CELSR1: variants seen among roughly 807,000 people sequenced by gnomAD.
CELSR1 encodes adhesion G protein-coupled receptor C1.
A neutral mutation model predicts 249.1 loss-of-function variants in CELSR1; 110 were observed. The observed-to-expected ratio is 0.44, with a 90% CI of 0.38 to 0.52. The LOEUF (loss-of-function observed/expected upper bound fraction) is 0.52. Among genes scored for constraint, CELSR1 ranks in the 20% least tolerant of loss-of-function variants. The pLI is 0.00. For synonymous variants in CELSR1, 2,113 were observed against 1,900.0 expected (o/e 1.11, Z -2.92); for missense variants, 4,109 against 4,296.4 (o/e 0.96, Z 1.22).
Position 46,386,578 on chromosome 22 carries a change from A to G in CELSR1, c.6563T>C (p.Ile2188Thr). Residue 2188 changes from isoleucine (I) to threonine (T), a missense_variant, in exon 19 of 35, where the codon ATC becomes ACC. Physicochemically the swap from Ile to Thr is moderately conservative, Grantham distance 89. Coordinates refer to ENST00000674500, the MANE Select transcript of CELSR1 (RefSeq NM_001378328.1). ...GGCCAGGAGGGCGCTGCCCGAGTGG[A>G]TGACGTCCTGGTCAGACAGACAGCA... ...TQDADFHEDV[I>T]HSGSALLAPA... is the part of the protein sequence containing the mutation. The G allele has an allele frequency of 6.3e-7, 1 of 1,592,634 alleles. No homozygotes were observed. Among genetic ancestry groups the G allele is most frequent in the Non-Finnish European group, 8.5e-7 (1 of 1,174,398 alleles).
chr22:46,422,692 A>G (rs1255723215), intron 5 of CELSR1, among the ~76,000 whole-genome samples: 2 of 151,156 alleles, frequency 1.3e-5, no homozygotes, highest in African/African-American at 2.4e-5. Context: ...GTGTGAACCC[A>G]GGAGGTGGAG....
intron 1 of CELSR1, among the ~76,000 whole-genome samples, chr22:46,531,807 C>A (rs2080794813): frequency 6.6e-6 from 1 of 152,158 alleles, no homozygotes; most frequent in Non-Finnish European, 1.5e-5. Flanking sequence ...CTGCTGGAAC[C>A]CAGTCAAAGG....
Position 46,362,585 on chromosome 22 carries a change from T to G in CELSR1, c.*638A>C, listed in dbSNP as rs980683544. The G allele has an allele frequency of 1.3e-5, 2 of 152,710 alleles. No individual in the cohort carries two copies. The highest frequency in any genetic ancestry group is 4.8e-5 in the African/African-American group (2 of 41,454). 9.5% of individuals were successfully genotyped at this position (152,710 alleles called of 1,614,324 possible). ...AACACATGCCAGATTCAAGTACAAC[T>G]GTGCAATCTTGACAGAGAAGACAGC... On this transcript the variant is annotated 3_prime_UTR_variant, in exon 35 of 35. Coordinates refer to ENST00000674500, the MANE Select transcript of CELSR1 (RefSeq NM_001378328.1).
intron 2 of CELSR1, among the ~76,000 whole-genome samples, chr22:46,456,222 C>A (rs990639968): frequency 1.3e-5 from 2 of 152,240 alleles, no homozygotes; most frequent in Non-Finnish European, 2.9e-5. Flanking sequence ...TGCAACCCTG[C>A]GCTAAGCAGA....
rs2079301855 is a variant in CELSR1 at position 46,409,179 on chromosome 22, A to G, written c.5060-17T>C. On this transcript the variant is annotated splice_polypyrimidine_tract_variant and intron_variant, in intron 8 of 34. Transcript: ENST00000674500. This position sits in a 1 kb window ranked among gnomAD's most constrained non-coding sequence, Gnocchi z 9.8. ...GAGGCATGGCTGCGGACACAGGCCC[A>G]GGGACCTCAGGTGTCTCCCGAAATC... The G allele has an allele frequency of 1.2e-6, 2 of 1,609,580 alleles. No individual in the cohort carries two copies. Among genetic ancestry groups the G allele is most frequent in the East Asian group, 2.2e-5 (1 of 44,728 alleles).
In CELSR1 at chr22:46,473,947, G is replaced by C. The variant is rs79765020; in HGVS notation, c.3545-9602C>G. ...CTAGGACCTGCGTCTCACGAATGCA[G>C]GTTCACGTCACAGGAACAAGGGGAC... On this transcript the variant is annotated intron_variant, in intron 1 of 34. Coordinates refer to ENST00000674500, the MANE Select transcript of CELSR1 (RefSeq NM_001378328.1). The surrounding 1 kb of genome is among the most constrained non-coding windows in gnomAD (Gnocchi z 6.6). Among the ~76,000 whole-genome samples, 3,575 of 152,268 alleles carry C rather than the reference G, an allele frequency of 0.023. 117 individuals are homozygous for C. The highest frequency in any genetic ancestry group is 0.081 in the African/African-American group (3,346 of 41,528).
In CELSR1 at chr22:46,395,161, G is replaced by A. The variant is rs1306566617; in HGVS notation, c.5844-899C>T. On this transcript the variant is annotated intron_variant, in intron 13 of 34. Transcript: ENST00000674500. This position sits in a 1 kb window ranked among gnomAD's most constrained non-coding sequence, Gnocchi z 5.5. Reference sequence around the variant, plus strand: ...GCCAGAGATAGAGTCTGGCGTTTATGGATGTGTGTGTGCAGCGTGGGGGCC... The same window carrying A: ...GCCAGAGATAGAGTCTGGCGTTTATAGATGTGTGTGTGCAGCGTGGGGGCC... Among the ~76,000 whole-genome samples the A allele has an allele frequency of 1.3e-5, 2 of 151,676 alleles. No homozygotes were observed. The highest frequency in any genetic ancestry group is 2.4e-5 in the African/African-American group (1 of 41,080).
In CELSR1 at chr22:46,398,503, C is replaced by A. The variant is rs772655973; in HGVS notation, c.5526+21G>T. Reference sequence around the variant, plus strand: ...CCTGTGAGGGGCAGGCCTCCCCCCGCCCCCCACAACCCCCACGCACCTGCA... The same window carrying A: ...CCTGTGAGGGGCAGGCCTCCCCCCGACCCCCACAACCCCCACGCACCTGCA... On this transcript the variant is annotated intron_variant, in intron 11 of 34. Transcript: ENST00000674500. This position sits in a 1 kb window ranked among gnomAD's most constrained non-coding sequence, Gnocchi z 7.2. 2.6e-6 allele frequency: 4 copies of A among 1,530,226 alleles called. No homozygotes were observed. Among genetic ancestry groups the A allele is most frequent in the Non-Finnish European group, 2.7e-6 (3 of 1,120,204 alleles). 94.8% of individuals were successfully genotyped at this position (1,530,226 alleles called of 1,614,324 possible). A position where few individuals can be genotyped will look rare whatever the true frequency, so the allele number is the denominator to read the frequency against.
At chr22:46,386,731 AGTTGTTTTTTGTTTTTT>A (rs2079037992) in intron 18 of CELSR1, 146 bp from the exon 19 acceptor site, 5 of 626,358 alleles carry the variant, frequency 8.0e-6, no homozygotes, top group Non-Finnish European at 9.9e-6. Flanking sequence ...CTTTAATATT[AGTTGTTTTTTGTTTTTT>A]GTTGTTTTTT....
rs779142815 is a variant in CELSR1, at chr22:46,536,446, C to T, written c.725G>A (p.Ser242Asn). 8 of 1,611,478 alleles carry T rather than the reference C, an allele frequency of 5.0e-6. No individual in the cohort carries two copies. The highest frequency in any genetic ancestry group is 6.8e-6 in the Non-Finnish European group (8 of 1,179,396). The change falls in exon 1 of 35, where the codon AGC (serine) becomes AAC (asparagine). Residue 242 changes from serine to asparagine, a missense_variant. Physicochemically the swap from Ser to Asn is conservative, Grantham distance 46. Transcript: ENST00000674500. ...RARRGTSGRG[S>N]LKFPMPNYQV... ...GTAGTTGGGCATCGGAAACTTCAGG[C>T]TCCCTCTGCCGCTCGTGCCCCGCCG...
chr22:46,366,236 AG>A (rs1264476526), intron 30 of CELSR1, 149 bp downstream of exon 30: 11 of 123,748 alleles, frequency 8.9e-5, no homozygotes, highest in Admixed American at 1.6e-4. Flanking sequence ...CGGGGCAGGG[AG>A]GGAAGTTGCG....
chr22:46,423,531 G>A lies in CELSR1; in HGVS notation c.4611+9862C>T, dbSNP rs377644947. ...GAGGCAGGAGAATTGCTTGAACCTG[G>A]GAGGCAGAGGTTGCGGTGAGCCGAG... is the stretch of plus-strand genomic sequence containing the variant. On this transcript the variant is annotated intron_variant, in intron 5 of 34. Coordinates refer to ENST00000674500, the MANE Select transcript of CELSR1 (RefSeq NM_001378328.1). The surrounding 1 kb of genome is among the most constrained non-coding windows in gnomAD (Gnocchi z 5.6). Among the ~76,000 whole-genome samples the A allele has an allele frequency of 6.6e-6, 1 of 151,172 alleles. No homozygotes were observed. The highest frequency in any genetic ancestry group is 6.6e-5 in the Admixed American group (1 of 15,188).
rs1404317548 is a variant in CELSR1, at chr22:46,464,190, C to T, written c.3700G>A (p.Val1234Met). 11 of 1,613,510 alleles carry T rather than the reference C, an allele frequency of 6.8e-6. No homozygotes were observed. The highest frequency in any genetic ancestry group is 2.2e-5 in the South Asian group (2 of 91,080). Reference sequence around the variant, plus strand: ...ACGTCGTCCTTGGTGGTGGACAGCACGGCGGCCACCCCCTCCACGAAGAGG... The same window carrying T: ...ACGTCGTCCTTGGTGGTGGACAGCATGGCGGCCACCCCCTCCACGAAGAGG... Reference protein sequence around the residue: ...LALFVEGVAAVLSTTKDDVFV... With the variant: ...LALFVEGVAAMLSTTKDDVFV... Residue 1234 changes from valine (V) to methionine (M), a missense_variant, in exon 2 of 35, where the codon GTG becomes ATG. Physicochemically the swap from Val to Met is conservative, Grantham distance 21. Around this residue, in one of 7 missense-constraint regions of CELSR1, gnomAD observed 141 missense variants for 209.4 expected, o/e 0.67. Coordinates refer to ENST00000674500, the MANE Select transcript of CELSR1 (RefSeq NM_001378328.1). The surrounding 1 kb of genome is among the most constrained non-coding windows in gnomAD (Gnocchi z 8.5).
At chr22:46,480,481 T>C (rs749084082) in intron 1 of CELSR1, among the ~76,000 whole-genome samples, 2 of 152,242 alleles carry the variant, frequency 1.3e-5, no homozygotes, top group Non-Finnish European at 2.9e-5. Context: ...TCAACTTGTA[T>C]GCCCTTGTAT....
chr22:46,481,174 G>A (rs1302247452), intron 1 of CELSR1, among the ~76,000 whole-genome samples: 1 of 151,792 alleles, frequency 6.6e-6, no homozygotes, highest in Non-Finnish European at 1.5e-5. Flanking sequence ...GGTGGAGGTT[G>A]CAGTGAGCTG....
chr22:46,496,923 T>C (rs542517687), intron 1 of CELSR1, among the ~76,000 whole-genome samples: 1 of 152,050 alleles, frequency 6.6e-6, no homozygotes, highest in Non-Finnish European at 1.5e-5. Flanking sequence ...GTACAGTAAA[T>C]ACATACAGTA....
chr22:46,386,553 G>C lies in CELSR1; in HGVS notation c.6588C>G (p.Ala2196=). 1 of 1,597,650 alleles carries C rather than the reference G, an allele frequency of 6.3e-7. No homozygotes were observed. The highest frequency in any genetic ancestry group is 8.5e-7 in the Non-Finnish European group (1 of 1,174,758). ...GCTCCCACGCCGCCCTGGTGGCTGG[G>C]GCCAGGAGGGCGCTGCCCGAGTGGA... The part of the protein sequence containing the change: ...DVIHSGSALL[A]PATRAAWEQI... Residue 2196 remains alanine (A), a synonymous_variant, in exon 19 of 35, where the codon GCC becomes GCG. Transcript: ENST00000674500.
rs2079878912 is a variant in CELSR1 at position 46,451,118 on chromosome 22, C to G, written c.4184-11707G>C. Among the ~76,000 whole-genome samples, 4 of 152,256 alleles carry G rather than the reference C, an allele frequency of 2.6e-5. 1 individual carries two copies. In the South Asian group the frequency reaches 8.3e-4, roughly 32 times the overall value. ...AGCACCCACGTCTGCCCTTGGGTTT[C>G]ACGCATTGTTTGACTTTCTCACCTC... is the stretch of plus-strand genomic sequence containing the variant. On this transcript the variant is annotated intron_variant, in intron 2 of 34. Coordinates refer to ENST00000674500, the MANE Select transcript of CELSR1 (RefSeq NM_001378328.1).
chr22:46,535,177 G>C lies in CELSR1; in HGVS notation c.1994C>G (p.Pro665Arg), dbSNP rs746827661. Residue 665 changes from proline (P) to arginine (R), a missense_variant, in exon 1 of 35, where the codon CCC (proline) becomes CGC (arginine). Physicochemically the swap from Pro to Arg is moderately radical, Grantham distance 103. Around this residue, in one of 7 missense-constraint regions of CELSR1, gnomAD observed 886 missense variants for 896.5 expected, o/e 0.99. Transcript: ENST00000674500. ...FGVEAVDHGS[P>R]PMSSSTSVSI... ...CACGCTGGTGGAGGAGCTCATGGGG[G>C]GCGAGCCGTGGTCCACCGCCTCCAC... 3 of 1,609,306 alleles carry C rather than the reference G, an allele frequency of 1.9e-6. No homozygotes were observed. The highest frequency in any genetic ancestry group is 1.7e-5 in the Admixed American group (1 of 59,884).
Sources: gnomAD v4.1 joint callset for allele counts (sites outside exome capture counted in the v4.1 genomes callset) on GRCh38, gnomAD v4.1.1 for gene constraint, gnomAD v4.1.1 regional missense constraint, Gnocchi (gnomAD v3.1) non-coding constraint, MANE v1.5 for transcripts, NCBI Gene and HGNC (gene_info 2026-07-23, HGNC 2026-07-21) for gene names.